The following KCNU1 variants were observed in gnomAD, a reference collection of about 807,000 sequenced individuals.
The protein encoded by KCNU1 is potassium channel subfamily U member 1.
A neutral mutation model predicts 126.8 loss-of-function variants in KCNU1; 93 were observed. The observed-to-expected ratio is 0.73, with a 90% confidence interval of 0.62 to 0.87. KCNU1 has a LOEUF of 0.87. KCNU1 is among the 40% of genes least tolerant of loss of function. KCNU1 has a pLI of 0.00. For missense variants in KCNU1, 1,330 were observed against 1,367.1 expected, an observed-to-expected ratio of 0.97 and a Z score of 0.43; for synonymous variants, 523 against 494.2, an observed-to-expected ratio of 1.06 and a Z score of -0.77.
chr8:36,819,209 T>C (rs1303453657), intron 10 of KCNU1, among the ~76,000 whole-genome samples: 1 of 152,160 alleles, frequency 6.6e-6, no homozygotes, highest in Non-Finnish European at 1.5e-5. Context: ...TGTGGCTTCA[T>C]ATTTACACAA....
chr8:36,798,450 A>C (rs189178466), intron 2 of KCNU1, among the ~76,000 whole-genome samples: 1 of 152,216 alleles, frequency 6.6e-6, no homozygotes, highest in Non-Finnish European at 1.5e-5. Flanking sequence ...GAATATTTGC[A>C]TCTGTAAAGA....
At chr8:36,788,653 G>A (rs188000550) in intron 2 of KCNU1, among the ~76,000 whole-genome samples, 33 of 152,154 alleles carry the variant, frequency 2.2e-4, no homozygotes, top group African/African-American at 6.3e-4. Context: ...AAAGCTGCAG[G>A]GAATGTTGAA....
At chr8:36,840,880 T>A in intron 15 of KCNU1, 52 bp from the exon 16 acceptor site, 1 of 1,238,472 alleles carries the variant, frequency 8.1e-7, no homozygotes, top group Non-Finnish European at 1.2e-6. Flanking sequence ...TTAGTTATTT[T>A]GTTGTTCACT....
intron 10 of KCNU1, among the ~76,000 whole-genome samples, chr8:36,819,427 C>T (rs936113395): frequency 6.6e-6 from 1 of 152,170 alleles, no homozygotes; most frequent in South Asian, 2.1e-4. Context: ...TGAGTATTAT[C>T]TCTGATACTC....
At position 36,935,509 on chromosome 8, in the gene KCNU1, T is replaced by C. The variant is rs1432720604; in HGVS notation, c.3045-6T>C. The C allele has an allele frequency of 1.3e-6, 2 of 1,582,286 alleles. No individual in the cohort carries two copies. The highest frequency in any genetic ancestry group is 1.7e-6 in the Non-Finnish European group (2 of 1,163,104). ...CCTCAGCATTTATCTTTGACTTGTC[T>C]TACAGGTTTGTGATCACCCGGCCAG... is the stretch of plus-strand genomic sequence containing the variant. On this transcript the variant is annotated splice_polypyrimidine_tract_variant and splice_region_variant and intron_variant, in intron 26 of 26. Transcript: ENST00000399881.
chr8:36,794,111 A>G (rs1253844495), intron 2 of KCNU1, among the ~76,000 whole-genome samples: 1 of 151,034 alleles, frequency 6.6e-6, no homozygotes, highest in Non-Finnish European at 1.5e-5. Flanking sequence ...TAATATAGTC[A>G]CCTTTGTTTT....
At chr8:36,930,763 G>A (rs1808677113) in intron 24 of KCNU1, among the ~76,000 whole-genome samples, 188 bp from the exon 25 acceptor site, 1 of 151,982 alleles carries the variant, frequency 6.6e-6, no homozygotes, top group Admixed American at 6.6e-5. Context: ...TCTGCACTTG[G>A]CCTAACCTGG....
chr8:36,786,796 G>A (rs1003864700), intron 1 of KCNU1, among the ~76,000 whole-genome samples: 2 of 152,148 alleles, frequency 1.3e-5, no homozygotes, highest in Admixed American at 1.3e-4. Context: ...TTCTATAAAT[G>A]TGAGGAAGGA....
intron 14 of KCNU1, among the ~76,000 whole-genome samples, chr8:36,838,783 T>C (rs1804846809): frequency 1.3e-5 from 2 of 152,150 alleles, no homozygotes; most frequent in Admixed American, 6.5e-5. Flanking sequence ...TTATACAAGA[T>C]GGATTTTAGC....
At chr8:36,815,500 T>C in intron 8 of KCNU1, 96 bp from the exon 9 acceptor site, 1 of 592,984 alleles carries the variant, frequency 1.7e-6, no homozygotes, top group African/African-American at 1.9e-5. Flanking sequence ...TGACAGAAAG[T>C]TTTATGTACC....
At chr8:36,912,571 A>G (rs557079183) in intron 22 of KCNU1, among the ~76,000 whole-genome samples, 1 of 152,208 alleles carries the variant, frequency 6.6e-6, no homozygotes, top group East Asian at 1.9e-4. Context: ...TAGCTTAGCA[A>G]TTAGGGTCAC....
chr8:36,805,338 T>A, intron 4 of KCNU1, 53 bp downstream of exon 4: 1 of 1,036,982 alleles, frequency 9.6e-7, no homozygotes, highest in Non-Finnish European at 1.5e-6. Context: ...AGGCACAACA[T>A]ACAGAGAACT....
chr8:36,869,398 T>A (rs1225224156), intron 19 of KCNU1, among the ~76,000 whole-genome samples: 1 of 152,184 alleles, frequency 6.6e-6, no homozygotes, highest in Admixed American at 6.6e-5. Context: ...CTTTTCCATA[T>A]AACATCCTTT....
chr8:36,910,875 T>C, intron 21 of KCNU1, 55 bp from the exon 22 acceptor site: 1 of 1,272,958 alleles, frequency 7.9e-7, no homozygotes, highest in Non-Finnish European at 1.1e-6. Flanking sequence ...CCATGAGCCA[T>C]GATATAACAT....
chr8:36,933,684 T>A (rs1332931293), intron 26 of KCNU1, among the ~76,000 whole-genome samples: 1 of 152,072 alleles, frequency 6.6e-6, no homozygotes, highest in Non-Finnish European at 1.5e-5. Flanking sequence ...AATAGATGGA[T>A]GGAACTTGTT....
In KCNU1 at chr8:36,922,581, T is replaced by C. The variant is rs1585571101; in HGVS notation, c.2688T>C (p.Ser896=). The change falls in exon 24 of 27, where the codon TCT becomes TCC. Residue 896 remains serine (S), a synonymous_variant. Coordinates refer to ENST00000399881, the MANE Select transcript of KCNU1 (RefSeq NM_001031836.3). ...ATCTGCATCTCAGCACTGCCTTTTC[T>C]ACGGGCACTGTTTTTTCCGGCAGCT... ...ETNLHLSTAF[S]TGTVFSGSFL... The C allele has an allele frequency of 6.2e-7, 1 of 1,613,760 alleles. No individual in the cohort carries two copies. The highest frequency in any genetic ancestry group is 8.5e-7 in the Non-Finnish European group (1 of 1,179,758).
intron 19 of KCNU1, among the ~76,000 whole-genome samples, chr8:36,879,111 C>A (rs1464583502): frequency 1.4e-5 from 2 of 146,458 alleles, no homozygotes; most frequent in African/African-American, 2.5e-5. Flanking sequence ...GTATTTCTTG[C>A]ATTTTAATAA....
chr8:36,923,367 G>A (rs906931092), intron 24 of KCNU1, among the ~76,000 whole-genome samples: 1 of 152,132 alleles, frequency 6.6e-6, no homozygotes, highest in African/African-American at 2.4e-5. Flanking sequence ...GCCAATTAAA[G>A]GGCTAAGGAG....
intron 19 of KCNU1, among the ~76,000 whole-genome samples, chr8:36,880,676 T>C (rs942396711): frequency 1.2e-4 from 18 of 152,178 alleles, no homozygotes; most frequent in Non-Finnish European, 2.4e-4. Flanking sequence ...GTCACCCTGT[T>C]TGGGTTTCAA....
Sources: allele counts gnomAD v4.1 joint callset (sites outside exome capture counted in the v4.1 genomes callset), GRCh38; gene constraint gnomAD v4.1.1; transcripts MANE v1.5; gene names NCBI Gene and HGNC (gene_info 2026-07-23, HGNC 2026-07-21).